The following C2CD2 variants were observed in gnomAD, a reference collection of about 807,000 sequenced individuals.
C2CD2 encodes C2 calcium dependent domain containing 2.
A neutral mutation model predicts 74.3 loss-of-function variants in C2CD2; 43 were observed. The ratio of observed to expected loss-of-function variants is 0.58; its 90% CI spans 0.45 to 0.75. C2CD2 has a LOEUF of 0.75. C2CD2 is among the 30% of genes least tolerant of loss of function. The pLI, the probability that C2CD2 is intolerant of heterozygous loss-of-function variation, is 0.00. For missense variants in C2CD2, 801 were observed against 916.3 expected (o/e 0.87, Z 1.63); for synonymous variants, 422 against 390.7 (o/e 1.08, Z -0.94).
In C2CD2 at chr21:41,889,102, T is replaced by C. The variant is rs1412420103; in HGVS notation, c.*22A>G. 18 of 1,589,890 alleles carry C rather than the reference T, an allele frequency of 1.1e-5. No individual in the cohort carries two copies. The highest frequency in any genetic ancestry group is 1.6e-5 in the Non-Finnish European group (18 of 1,159,902). On this transcript the variant is annotated 3_prime_UTR_variant, in exon 14 of 14. Transcript: ENST00000380486. Reference sequence around the variant, plus strand: ...TTAACATGGGTGCACGTCTTCTGGCTTGGAGGTGATGACCTCAGGCCCTAC... The same window carrying C: ...TTAACATGGGTGCACGTCTTCTGGCCTGGAGGTGATGACCTCAGGCCCTAC...
chr21:41,926,097 A>G lies in C2CD2; in HGVS notation c.379-4012T>C, dbSNP rs2065208299. On this transcript the variant is annotated intron_variant, in intron 2 of 13. Coordinates refer to ENST00000380486, the MANE Select transcript of C2CD2 (RefSeq NM_015500.2). This position sits in a 1 kb window ranked among gnomAD's most constrained non-coding sequence, Gnocchi z 8.0. ...AGGCGGCAGTGACAGTGAACTCCTC[A>G]GAGGACAGGAGTGAACCCCCAGCCC... Among the ~76,000 whole-genome samples, 1 of 152,216 alleles carries G rather than the reference A, an allele frequency of 6.6e-6. No individual in the cohort carries two copies. The highest frequency in any genetic ancestry group is 1.5e-5 in the Non-Finnish European group (1 of 68,036).
Position 41,895,371 on chromosome 21 carries a change from G to C in C2CD2, c.1870+3682C>G, listed in dbSNP as rs116959120. On this transcript the variant is annotated intron_variant, in intron 13 of 13. Transcript: ENST00000380486. This position sits in a 1 kb window ranked among gnomAD's most constrained non-coding sequence, Gnocchi z 5.0. ...TCATCTGCTTGACTTTGAGCCCGCA[G>C]AATGTGTTGCCCTTTGCTGATAGTG... 0.013 allele frequency among the ~76,000 whole-genome samples: 1,943 copies of C among 152,266 alleles called. 25 individuals carry two copies. The highest frequency in any genetic ancestry group is 0.027 in the Middle Eastern group (8 of 294).
At chr21:41,906,281 C>A (rs901818206) in intron 10 of C2CD2, among the ~76,000 whole-genome samples, 2 of 152,246 alleles carry the variant, frequency 1.3e-5, no homozygotes, top group Non-Finnish European at 2.9e-5. Context: ...AGAAGAAAGT[C>A]TACAAGGACC....
intron 5 of C2CD2, among the ~76,000 whole-genome samples, chr21:41,916,269 G>A (rs964392659): frequency 6.6e-6 from 1 of 152,106 alleles, no homozygotes; most frequent in African/African-American, 2.4e-5. Context: ...CCAGATATCT[G>A]GTCCAACATG....
At chr21:41,942,433 G>C (rs1292714402) in intron 1 of C2CD2, among the ~76,000 whole-genome samples, 188 bp from the exon 2 acceptor site, 1 of 152,252 alleles carries the variant, frequency 6.6e-6, no homozygotes, top group East Asian at 1.9e-4. Context: ...AGCTGGTGAT[G>C]GATTGTGCTC....
chr21:41,909,193 C>G (rs1226415084), intron 8 of C2CD2, among the ~76,000 whole-genome samples: 1 of 152,210 alleles, frequency 6.6e-6, no homozygotes, highest in Non-Finnish European at 1.5e-5. Context: ...AACTACTTCT[C>G]TATGCCAAGA....
At chr21:41,904,541 T>A (rs1041690858) in intron 11 of C2CD2, among the ~76,000 whole-genome samples, 9 of 152,116 alleles carry the variant, frequency 5.9e-5, no homozygotes, top group African/African-American at 1.9e-4. Flanking sequence ...TCTCTTGGGG[T>A]CTAGATCAAG....
At chr21:41,907,377 T>A (rs1007719731) in intron 9 of C2CD2, among the ~76,000 whole-genome samples, 3 of 152,182 alleles carry the variant, frequency 2.0e-5, no homozygotes, top group Non-Finnish European at 4.4e-5. Context: ...GGCAACAGAA[T>A]AGAAGCTGGG....
In C2CD2 at chr21:41,907,780, C is replaced by G; in HGVS notation, c.1023G>C (p.Leu341=). 6.2e-7 allele frequency: 1 copy of G among 1,613,958 alleles called. No homozygotes were observed. Residue 341 remains leucine, a synonymous_variant, in exon 9 of 14, where the codon CTG becomes CTC. Transcript: ENST00000380486. ...ISEAGRSSEG[L]LATATVPLDL... ...CCAGAGGAACTGTCGCCGTCGCCAG[C>G]AGACCTGAAAAGATAGGAGACAGGC...
chr21:41,903,611 T>A lies in C2CD2; in HGVS notation c.1433-1862A>T, dbSNP rs976868314. Among the ~76,000 whole-genome samples, 3 of 150,822 alleles carry A rather than the reference T, an allele frequency of 2.0e-5. No homozygotes were observed. Among genetic ancestry groups the A allele is most frequent in the Non-Finnish European group, 4.4e-5 (3 of 67,616 alleles). ...AAGAGAGAAGTGCTGGAGAAAGGAG[T>A]TGGGGAGGACTCCTTAGGAGAAAGC... On this transcript the variant is annotated intron_variant, in intron 11 of 13. Coordinates refer to ENST00000380486, the MANE Select transcript of C2CD2 (RefSeq NM_015500.2). The surrounding 1 kb of genome is among the most constrained non-coding windows in gnomAD (Gnocchi z 4.5).
chr21:41,914,852 C>T (rs566724675), intron 5 of C2CD2, 131 bp from the exon 6 acceptor site: 17 of 691,652 alleles, frequency 2.5e-5, no homozygotes, highest in Middle Eastern at 2.8e-4. Context: ...ACAGGGAGCC[C>T]GAGCTCTGGG....
chr21:41,948,572 G>T (rs929076728), intron 1 of C2CD2, among the ~76,000 whole-genome samples: 1 of 152,190 alleles, frequency 6.6e-6, no homozygotes, highest in South Asian at 2.1e-4. Flanking sequence ...AACAGAAGGG[G>T]TCACGGTGGA....
At chr21:41,916,440 G>A (rs2065091466) in intron 5 of C2CD2, among the ~76,000 whole-genome samples, 1 of 149,082 alleles carries the variant, frequency 6.7e-6, no homozygotes, top group Admixed American at 6.7e-5. Context: ...TTCACTGCTT[G>A]AGCCGGGAAA....
Position 41,926,003 on chromosome 21 carries a change from T to C in C2CD2, c.379-3918A>G, listed in dbSNP as rs1217275222. Among the ~76,000 whole-genome samples, 1 of 152,198 alleles carries C rather than the reference T, an allele frequency of 6.6e-6. No individual in the cohort carries two copies. Among genetic ancestry groups the C allele is most frequent in the Non-Finnish European group, 1.5e-5 (1 of 68,034 alleles). On this transcript the variant is annotated intron_variant, in intron 2 of 13. Transcript: ENST00000380486. The surrounding 1 kb of genome is among the most constrained non-coding windows in gnomAD (Gnocchi z 8.0). ...CAATTGACAGACTGGGCCCTGAGTG[T>C]TTCCCTCTGAAACAGTCTGCTATTA...
intron 13 of C2CD2, 88 bp downstream of exon 13, chr21:41,898,965 G>A (rs1160503138): frequency 3.0e-6 from 3 of 987,086 alleles, no homozygotes; most frequent in Non-Finnish European, 3.2e-6. Flanking sequence ...ACAAAGGGAA[G>A]GAAGGCAGAT....
Position 41,936,690 on chromosome 21 carries a change from C to A in C2CD2, c.378+5457G>T, listed in dbSNP as rs546349152. Among the ~76,000 whole-genome samples, 3 of 152,234 alleles carry A rather than the reference C, an allele frequency of 2.0e-5. No homozygotes were observed. The South Asian group carries it at 6.2e-4, about 32-fold the overall frequency. On this transcript the variant is annotated intron_variant, in intron 2 of 13. Transcript: ENST00000380486. ...GCCACCCCTGCTACAGCATGACCAA[C>A]CCCTCCTCTCCCTCCTCCTCAGCCT... is the stretch of plus-strand genomic sequence containing the variant.
intron 13 of C2CD2, among the ~76,000 whole-genome samples, chr21:41,889,728 G>A (rs1480870506): frequency 1.3e-5 from 2 of 151,936 alleles, no homozygotes; most frequent in African/African-American, 4.8e-5. Context: ...CCACCTCCAG[G>A]TTCAAGCGAT....
intron 2 of C2CD2, among the ~76,000 whole-genome samples, chr21:41,925,991 G>A (rs2065206920): frequency 6.6e-6 from 1 of 152,160 alleles, no homozygotes; most frequent in Non-Finnish European, 1.5e-5. Context: ...TTGACAGACT[G>A]GGCCCTGAGT....
intron 13 of C2CD2, among the ~76,000 whole-genome samples, chr21:41,893,180 G>A (rs1049891101): frequency 1.1e-4 from 17 of 152,052 alleles, no homozygotes; most frequent in African/African-American, 3.4e-4. Context: ...TTTTTTAAAA[G>A]AAATAAAATG....
Sources: gnomAD v4.1 joint callset for allele counts (sites outside exome capture counted in the v4.1 genomes callset) on GRCh38, gnomAD v4.1.1 for gene constraint, Gnocchi (gnomAD v3.1) non-coding constraint, MANE v1.5 for transcripts, NCBI Gene and HGNC (gene_info 2026-07-23, HGNC 2026-07-21) for gene names.